ACER3: variants seen among roughly 807,000 people sequenced by gnomAD.
The protein encoded by ACER3 is alkCDase 3.
ACER3 carries 16 observed loss-of-function variants against 48.9 expected under a neutral mutation model. The observed-to-expected ratio is 0.33, with a 90% CI of 0.22 to 0.50. ACER3 has a LOEUF of 0.50. Among genes scored for constraint, ACER3 ranks in the 20% least tolerant of loss-of-function variants. The pLI is 0.98. For synonymous variants in ACER3, 109 were observed against 107.8 expected, an observed-to-expected ratio of 1.01 and a Z score of -0.07; for missense variants, 227 against 326.0, an observed-to-expected ratio of 0.70 and a Z score of 2.34.
chr11:76,929,091 G>A, intron 2 of ACER3, among the ~76,000 whole-genome samples: 2 of 152,168 alleles, frequency 1.3e-5, no homozygotes, highest in Non-Finnish European at 2.9e-5. Context: ...TCCTACCCAT[G>A]AGCATGGAAT....
intron 2 of ACER3, chr11:76,955,407 A>G (rs1027637665): frequency 1.3e-5 from 2 of 152,366 alleles, no homozygotes; most frequent in African/African-American, 4.8e-5. Flanking sequence ...AATACCATAG[A>G]CTGGGTGGCT....
chr11:76,994,603 T>C (rs1948876639), intron 6 of ACER3, among the ~76,000 whole-genome samples: 1 of 152,196 alleles, frequency 6.6e-6, no homozygotes, highest in Admixed American at 6.5e-5. Flanking sequence ...AATATAAATA[T>C]GTTACAGAAC....
intron 10 of ACER3, among the ~76,000 whole-genome samples, 170 bp from the exon 11 acceptor site, chr11:77,020,104 T>A (rs1255630697): frequency 6.6e-6 from 1 of 152,198 alleles, no homozygotes; most frequent in Admixed American, 6.5e-5. Context: ...CTCTCTGATA[T>A]CTGGTCCAAG....
chr11:76,914,164 A>G (rs926701433), intron 1 of ACER3, among the ~76,000 whole-genome samples: 6 of 152,352 alleles, frequency 3.9e-5, no homozygotes, highest in African/African-American at 1.4e-4. Flanking sequence ...CTAAAACACC[A>G]AAAGCATGGC....
chr11:76,987,967 C>G (rs1948719062), intron 5 of ACER3, among the ~76,000 whole-genome samples: 2 of 152,174 alleles, frequency 1.3e-5, no homozygotes, highest in African/African-American at 4.8e-5. Flanking sequence ...AAAGTACAAC[C>G]TAATGAAATA....
intron 2 of ACER3, among the ~76,000 whole-genome samples, chr11:76,946,413 T>G (rs986766978): frequency 5.9e-5 from 9 of 152,192 alleles, no homozygotes; most frequent in Admixed American, 2.6e-4. Flanking sequence ...GGTATTGTCC[T>G]AAGTATGAGT....
At chr11:76,878,735 T>C (rs750558129) in intron 1 of ACER3, among the ~76,000 whole-genome samples, 11 of 152,144 alleles carry the variant, frequency 7.2e-5, no homozygotes, top group Non-Finnish European at 1.5e-4. Flanking sequence ...TTTAGTTTTC[T>C]AAGAGCCTGT....
At chr11:76,897,722 G>A (rs902918201) in intron 1 of ACER3, among the ~76,000 whole-genome samples, 4 of 151,936 alleles carry the variant, frequency 2.6e-5, no homozygotes, top group African/African-American at 4.8e-5. Flanking sequence ...TTTTTGAAAG[G>A]ACAAGGCTCA....
intron 7 of ACER3, among the ~76,000 whole-genome samples, chr11:77,009,176 G>C (rs1949211931): frequency 6.6e-6 from 1 of 152,224 alleles, no homozygotes; most frequent in Non-Finnish European, 1.5e-5. Context: ...AGTTTTTTAG[G>C]CTTTACAGAA....
At chr11:76,994,462 T>A (rs914310923) in intron 6 of ACER3, among the ~76,000 whole-genome samples, 4 of 152,086 alleles carry the variant, frequency 2.6e-5, no homozygotes, top group African/African-American at 9.6e-5. Flanking sequence ...GACAGGGTTT[T>A]TTCGTGTTGG....
intron 1 of ACER3, among the ~76,000 whole-genome samples, chr11:76,924,176 C>T (rs995254603): frequency 6.6e-5 from 10 of 151,904 alleles, no homozygotes; most frequent in Non-Finnish European, 1.3e-4. Flanking sequence ...CTTGGTTTCT[C>T]GGGAATCATT....
Position 76,882,150 on chromosome 11 carries a change from G to A in ACER3, c.103+21071G>A, listed in dbSNP as rs573595420. On this transcript the variant is annotated intron_variant, in intron 1 of 10. Transcript: ENST00000532485. The stretch of plus-strand genomic sequence containing the variant: ...CTCCCGAGTAGCTGGGACTACAGGC[G>A]CCCGCCACCACGCCCGGCTAATTTT... 4.6e-5 allele frequency among the ~76,000 whole-genome samples: 7 copies of A among 151,754 alleles called. 1 individual carries two copies. The highest frequency in any genetic ancestry group is 4.2e-4 in the South Asian group (2 of 4,804).
chr11:76,880,187 A>G (rs1379646753), intron 1 of ACER3, among the ~76,000 whole-genome samples: 1 of 151,910 alleles, frequency 6.6e-6, no homozygotes. Flanking sequence ...TTTTCCTTCT[A>G]CTTATTTTTA....
rs2135351709 is a variant in ACER3 at position 77,023,481 on chromosome 11, AT to A, written c.*3155del. 1 of 295,574 alleles carries A rather than the reference AT, an allele frequency of 3.4e-6. No individual in the cohort carries two copies. Among genetic ancestry groups the A allele is most frequent in the Non-Finnish European group, 6.2e-6 (1 of 161,342 alleles). 18.3% of individuals were successfully genotyped at this position (295,574 alleles called of 1,614,324 possible). A position where few individuals can be genotyped will look rare whatever the true frequency, so the allele number is the denominator to read the frequency against. Reference sequence around the variant, plus strand: ...GCATCTAACAATTTAAGGTTATCTTATGAGTCCTATGAAAACAATTATTTGT... The same window carrying A: ...GCATCTAACAATTTAAGGTTATCTTAGAGTCCTATGAAAACAATTATTTGT... On this transcript the variant is annotated 3_prime_UTR_variant, in exon 11 of 11. Coordinates refer to ENST00000532485, the MANE Select transcript of ACER3 (RefSeq NM_018367.7).
chr11:76,975,312 G>C (rs1948412983), intron 3 of ACER3, among the ~76,000 whole-genome samples: 1 of 152,056 alleles, frequency 6.6e-6, no homozygotes, highest in East Asian at 1.9e-4. Context: ...TTTTATTAAA[G>C]AATTAATTAA....
chr11:76,932,053 A>T (rs1947014496), intron 2 of ACER3, among the ~76,000 whole-genome samples: 1 of 151,124 alleles, frequency 6.6e-6, no homozygotes, highest in Non-Finnish European at 1.5e-5. Flanking sequence ...GGTGCAAGCG[A>T]TCCTCCTACC....
At chr11:76,884,577 T>C (rs150776010) in intron 1 of ACER3, among the ~76,000 whole-genome samples, 1,607 of 152,300 alleles carry the variant, frequency 0.011, 25 homozygotes, top group Middle Eastern at 0.041. Context: ...ATGTGAAGGT[T>C]GCTTCATCTA....
intron 3 of ACER3, among the ~76,000 whole-genome samples, chr11:76,963,242 A>G (rs1185703180): frequency 6.6e-6 from 1 of 151,368 alleles, no homozygotes; most frequent in African/African-American, 2.5e-5. Flanking sequence ...CAAAACCACA[A>G]TTATACAAAC....
At chr11:76,963,678 T>C (rs1457190002) in intron 3 of ACER3, among the ~76,000 whole-genome samples, 1 of 151,422 alleles carries the variant, frequency 6.6e-6, no homozygotes, top group African/African-American at 2.5e-5. Flanking sequence ...TCATGTGAAA[T>C]TGCTGCCTGG....
Sources: allele counts gnomAD v4.1 joint callset (sites outside exome capture counted in the v4.1 genomes callset), GRCh38; gene constraint gnomAD v4.1.1; transcripts MANE v1.5; gene names NCBI Gene and HGNC (gene_info 2026-07-23, HGNC 2026-07-21).